The following CHAT variants were observed in gnomAD, a reference collection of about 807,000 sequenced individuals.
CHAT encodes acetyl CoA:choline O-acetyltransferase.
Under a neutral mutation model 76.9 loss-of-function variants are expected in CHAT, and 61 were observed. The ratio of observed to expected loss-of-function variants is 0.79; its 90% CI spans 0.65 to 0.98. The LOEUF is 0.98. CHAT is among the 50% of genes least tolerant of loss of function. The pLI is 0.00. For synonymous variants in CHAT, 407 were observed against 397.4 expected (o/e 1.02, Z -0.29); for missense variants, 946 against 986.9 (o/e 0.96, Z 0.56).
Position 49,655,421 on chromosome 10 carries a change from C to G in CHAT, c.1812C>G (p.Ile604Met). Reference sequence around the variant, plus strand: ...AGCTTCTGCTCCTGAAGGATGCCATCCGTGCCCAGACTGCATACACAGTCA... The same window carrying G: ...AGCTTCTGCTCCTGAAGGATGCCATGCGTGCCCAGACTGCATACACAGTCA... The part of the protein sequence containing the change: ...SEKLLLLKDA[I>M]RAQTAYTVMA... Residue 604 changes from isoleucine to methionine, a missense_variant, in exon 13 of 15, where the codon ATC (isoleucine) becomes ATG (methionine). Ile to Met is a conservative substitution (Grantham distance 10). Around this residue, in one of 3 missense-constraint regions of CHAT, gnomAD observed 349 missense variants for 393.9 expected, o/e 0.89. Transcript: ENST00000337653. 1 of 1,614,150 alleles carries G rather than the reference C, an allele frequency of 6.2e-7. No individual in the cohort carries two copies. The highest frequency in any genetic ancestry group is 8.5e-7 in the Non-Finnish European group (1 of 1,180,036).
chr10:49,631,915 G>A (rs1157571197), intron 7 of CHAT, among the ~76,000 whole-genome samples: 2 of 151,252 alleles, frequency 1.3e-5, no homozygotes, highest in African/African-American at 4.9e-5. Context: ...TCATGATGGG[G>A]ACCTAGGAAG....
rs775282060 is a variant in CHAT at position 49,620,533 on chromosome 10, C to T, written c.618C>T (p.Asn206=). The stretch of plus-strand genomic sequence containing the variant: ...GGCTGAATGACATGTATCTCAACAA[C>T]CGCCTGGCCCTGCCTGTCAACTCCA... ...EYWLNDMYLN[N]RLALPVNSSP... is the part of the protein sequence containing the mutation. Residue 206 remains asparagine (N), a synonymous_variant, in exon 4 of 15, where the codon AAC becomes AAT. Transcript: ENST00000337653. The T allele has an allele frequency of 6.2e-7, 1 of 1,613,774 alleles. No individual in the cohort carries two copies. The highest frequency in any genetic ancestry group is 1.3e-5 in the African/African-American group (1 of 74,914).
intron 10 of CHAT, among the ~76,000 whole-genome samples, chr10:49,651,106 GC>G (rs1839861823): frequency 6.6e-6 from 1 of 152,074 alleles, no homozygotes; most frequent in African/African-American, 2.4e-5. Flanking sequence ...AGTGGGTGAG[GC>G]CCGAGTGGGC....
intron 7 of CHAT, among the ~76,000 whole-genome samples, chr10:49,631,856 G>A (rs1590584247): frequency 6.6e-6 from 1 of 152,056 alleles, no homozygotes; most frequent in South Asian, 2.1e-4. Context: ...CTACCATAAC[G>A]ATGATTCCAG....
At chr10:49,646,133 G>C (rs1839652869) in intron 7 of CHAT, among the ~76,000 whole-genome samples, 1 of 152,394 alleles carries the variant, frequency 6.6e-6, no homozygotes, top group Admixed American at 6.5e-5. Flanking sequence ...GGAGGGTGCT[G>C]TTGGGTGGGG....
intron 4 of CHAT, among the ~76,000 whole-genome samples, chr10:49,621,481 A>T (rs754082216): frequency 3.3e-5 from 5 of 152,192 alleles, no homozygotes; most frequent in Non-Finnish European, 7.4e-5. Context: ...GAATCCTGGT[A>T]TGACAGTTCC....
intron 14 of CHAT, among the ~76,000 whole-genome samples, chr10:49,662,999 G>A (rs572422682): frequency 3.9e-5 from 6 of 152,314 alleles, no homozygotes; most frequent in African/African-American, 1.2e-4. Flanking sequence ...TTGGGAGGCT[G>A]AGGCAGGAGG....
Position 49,666,292 on chromosome 10 carries a change from C to A in CHAT, c.*1246C>A, listed in dbSNP as rs993168864. On this transcript the variant is annotated 3_prime_UTR_variant, in exon 15 of 15. Coordinates refer to ENST00000337653, the MANE Select transcript of CHAT (RefSeq NM_020549.5). ...TCCAGCTCCAGCCCCAGCTCCAGCT[C>A]CAGCATGGGCAGGACAGGCAGGTCA... is the stretch of plus-strand genomic sequence containing the variant. Among the ~76,000 whole-genome samples, 3 of 151,926 alleles carry A rather than the reference C, an allele frequency of 2.0e-5. No individual in the cohort carries two copies. Among genetic ancestry groups the A allele is most frequent in the African/African-American group, 7.3e-5 (3 of 41,198 alleles).
At chr10:49,622,073 C>T in intron 4 of CHAT, 24 bp from the exon 5 acceptor site, 2 of 1,079,046 alleles carry the variant, frequency 1.9e-6, no homozygotes, top group Non-Finnish European at 2.3e-6. Context: ...GGAGGAAGGG[C>T]TCAGGCCTCC....
chr10:49,655,908 T>C (rs1840019774), intron 13 of CHAT, among the ~76,000 whole-genome samples: 1 of 152,166 alleles, frequency 6.6e-6, no homozygotes, highest in Admixed American at 6.5e-5. Flanking sequence ...TAAAAAGTCT[T>C]TGCTGAAAAT....
intron 7 of CHAT, among the ~76,000 whole-genome samples, chr10:49,628,558 C>T (rs1293925316): frequency 6.6e-6 from 1 of 152,176 alleles, no homozygotes; most frequent in Non-Finnish European, 1.5e-5. Context: ...GGCCTCTACC[C>T]AAGAGCAGCC....
intron 13 of CHAT, among the ~76,000 whole-genome samples, chr10:49,660,472 T>C (rs1443490398): frequency 6.7e-6 from 1 of 149,738 alleles, no homozygotes; most frequent in Non-Finnish European, 1.5e-5. Flanking sequence ...GAAATTTCAC[T>C]GTCTATAACA....
intron 7 of CHAT, among the ~76,000 whole-genome samples, chr10:49,638,221 A>C (rs115249861): frequency 0.019 from 2,901 of 152,310 alleles, 99 homozygotes; most frequent in African/African-American, 0.065. Context: ...TCTTTGCTCT[A>C]AAGTGTACTT....
At chr10:49,610,697 C>T (rs758786388), upstream of CHAT, 51 of 1,449,130 alleles carry the variant, frequency 3.5e-5, no homozygotes, top group Non-Finnish European at 4.2e-5. Flanking sequence ...CGCCAGCGCT[C>T]GGCCCTGGCG....
chr10:49,637,230 T>G (rs1381884391), intron 7 of CHAT, among the ~76,000 whole-genome samples: 8 of 152,228 alleles, frequency 5.3e-5, no homozygotes, highest in Admixed American at 5.2e-4. Context: ...ATTATTGATT[T>G]GAGACTTTTC....
At chr10:49,621,020 C>T (rs2132714459) in intron 4 of CHAT, among the ~76,000 whole-genome samples, 1 of 152,266 alleles carries the variant, frequency 6.6e-6, no homozygotes, top group East Asian at 1.9e-4. Context: ...TAAACAGAGG[C>T]CCCAGAAGGC....
At chr10:49,652,204 T>A (rs909074020) in intron 11 of CHAT, among the ~76,000 whole-genome samples, 198 bp downstream of exon 11, 2 of 152,090 alleles carry the variant, frequency 1.3e-5, no homozygotes, top group African/African-American at 4.8e-5. Flanking sequence ...GGATGTGCCA[T>A]CAGGGAACTG....
intron 11 of CHAT, 77 bp downstream of exon 11, chr10:49,652,083 T>C: frequency 3.1e-6 from 5 of 1,595,130 alleles, no homozygotes; most frequent in Non-Finnish European, 4.3e-6. Flanking sequence ...TCTAGAAGCA[T>C]CCTGGAGGGA....
At chr10:49,645,864 A>G (rs1473262902) in intron 7 of CHAT, among the ~76,000 whole-genome samples, 1 of 152,166 alleles carries the variant, frequency 6.6e-6, no homozygotes, top group African/African-American at 2.4e-5. Flanking sequence ...CTTTGGATCC[A>G]TGAGTCCAAA....
Sources: allele counts gnomAD v4.1 joint callset (sites outside exome capture counted in the v4.1 genomes callset), GRCh38; gene constraint gnomAD v4.1.1; regional missense constraint gnomAD v4.1.1; transcripts MANE v1.5; gene names NCBI Gene and HGNC (gene_info 2026-07-23, HGNC 2026-07-21).